The following COX7B2 variants were observed in gnomAD, a reference collection of about 807,000 sequenced individuals.
COX7B2 encodes the protein cytochrome c oxidase subunit 7B2, mitochondrial.
For synonymous variants in COX7B2, 37 were observed against 32.1 expected, an observed-to-expected ratio of 1.15 and a Z score of -0.51; for missense variants, 109 against 95.9, an observed-to-expected ratio of 1.14 and a Z score of -0.57.
chr4:46,747,519 GT>G (rs963082115), intron 2 of COX7B2, among the ~76,000 whole-genome samples: 14 of 151,862 alleles, frequency 9.2e-5, no homozygotes, highest in African/African-American at 2.9e-4. Context: ...GGTCAGGCTG[GT>G]CTTGAACTCT....
chr4:46,817,440 T>C (rs902706311), intron 2 of COX7B2, among the ~76,000 whole-genome samples: 3 of 152,206 alleles, frequency 2.0e-5, no homozygotes, highest in African/African-American at 4.8e-5. Context: ...CCCAGGTCTA[T>C]AGGCTCTCCA....
chr4:46,862,447 G>T (rs555834141), intron 1 of COX7B2, among the ~76,000 whole-genome samples: 1 of 152,318 alleles, frequency 6.6e-6, no homozygotes, highest in Admixed American at 6.5e-5. Context: ...ATATGTTTAT[G>T]TATGTACATG....
At chr4:46,806,425 A>G (rs1718998906) in intron 2 of COX7B2, among the ~76,000 whole-genome samples, 2 of 151,948 alleles carry the variant, frequency 1.3e-5, no homozygotes, top group African/African-American at 4.8e-5. Flanking sequence ...TTTTAAATAG[A>G]TTTTGCTTTG....
At chr4:46,753,627 C>T (rs1318071838) in intron 2 of COX7B2, among the ~76,000 whole-genome samples, 1 of 152,018 alleles carries the variant, frequency 6.6e-6, no homozygotes, top group Non-Finnish European at 1.5e-5. Context: ...AAAACCTAGG[C>T]AATACCATTC....
intron 1 of COX7B2, chr4:46,904,074 C>T (rs989579003): frequency 1.3e-5 from 2 of 152,024 alleles, no homozygotes; most frequent in Admixed American, 6.6e-5. Context: ...TAAACTAAAA[C>T]TGAATCAAAG....
At chr4:46,902,651 TAA>T (rs1258234864) in intron 1 of COX7B2, among the ~76,000 whole-genome samples, 1 of 152,176 alleles carries the variant, frequency 6.6e-6, no homozygotes, top group Non-Finnish European at 1.5e-5. Context: ...CTACATTAAT[TAA>T]ATTAAATCAA....
At chr4:46,788,406 C>A (rs1254218387) in intron 2 of COX7B2, among the ~76,000 whole-genome samples, 1 of 152,010 alleles carries the variant, frequency 6.6e-6, no homozygotes, top group Non-Finnish European at 1.5e-5. Flanking sequence ...TCTTGAAAAG[C>A]CTTATCTTGT....
At chr4:46,843,641 G>C (rs370860140) in intron 2 of COX7B2, among the ~76,000 whole-genome samples, 20 of 151,918 alleles carry the variant, frequency 1.3e-4, no homozygotes, top group Admixed American at 1.3e-3. Context: ...AAAAATAAAA[G>C]CAAAAGCAGT....
chr4:46,843,201 C>T (rs1292901221), intron 2 of COX7B2, among the ~76,000 whole-genome samples: 1 of 151,982 alleles, frequency 6.6e-6, no homozygotes, highest in African/African-American at 2.4e-5. Context: ...AGAATCTTGG[C>T]TTGTCCATTT....
At chr4:46,747,651 A>G (rs1190360101) in intron 2 of COX7B2, among the ~76,000 whole-genome samples, 1 of 152,122 alleles carries the variant, frequency 6.6e-6, no homozygotes, top group Non-Finnish European at 1.5e-5. Context: ...AGGATAAAAT[A>G]TAGTTTTCAA....
chr4:46,851,010 G>A (rs1010747589), intron 1 of COX7B2, among the ~76,000 whole-genome samples: 2 of 152,070 alleles, frequency 1.3e-5, no homozygotes, highest in African/African-American at 4.8e-5. Flanking sequence ...ACATGAAGCA[G>A]TGACAGACTG....
At chr4:46,856,176 G>A (rs1200291926) in intron 1 of COX7B2, among the ~76,000 whole-genome samples, 2 of 152,038 alleles carry the variant, frequency 1.3e-5, no homozygotes, top group Non-Finnish European at 2.9e-5. Flanking sequence ...CCTGGGAAGT[G>A]GAGGTTGCAG....
At chr4:46,752,827 T>A (rs1715481861) in intron 2 of COX7B2, among the ~76,000 whole-genome samples, 1 of 152,178 alleles carries the variant, frequency 6.6e-6, no homozygotes, top group Non-Finnish European at 1.5e-5. Context: ...TTGTCAGTAT[T>A]TTATTGAGGA....
intron 2 of COX7B2, among the ~76,000 whole-genome samples, chr4:46,763,573 C>T (rs1716350217): frequency 6.6e-6 from 1 of 151,932 alleles, no homozygotes; most frequent in African/African-American, 2.4e-5. Flanking sequence ...CAAATTTAGC[C>T]CTTTTTTCAT....
At chr4:46,861,183 T>C (rs1717313835) in intron 1 of COX7B2, among the ~76,000 whole-genome samples, 1 of 152,202 alleles carries the variant, frequency 6.6e-6, no homozygotes, top group Non-Finnish European at 1.5e-5. Flanking sequence ...ACCTTTCCTT[T>C]TATACTTGGC....
chr4:46,899,663 T>C lies in COX7B2; in HGVS notation c.-105+9497A>G, dbSNP rs534483907. Among the ~76,000 whole-genome samples the C allele has an allele frequency of 2.6e-5, 4 of 152,330 alleles. No individual in the cohort carries two copies. The South Asian group carries it at 6.2e-4, about 24-fold the overall frequency. On this transcript the variant is annotated intron_variant, in intron 1 of 2. Transcript: ENST00000355591. The stretch of plus-strand genomic sequence containing the variant: ...TCTCTGTAGGTCTCCAGGCTCATGA[T>C]AGACTTTATCCAACTTAAATTTCAT...
chr4:46,794,818 A>C (rs755919053), intron 2 of COX7B2, among the ~76,000 whole-genome samples: 37 of 152,174 alleles, frequency 2.4e-4, no homozygotes, highest in Non-Finnish European at 5.0e-4. Context: ...AAAAACATAG[A>C]ATAGAAAATA....
intron 2 of COX7B2, among the ~76,000 whole-genome samples, chr4:46,744,224 A>C (rs182538175): frequency 3.3e-5 from 5 of 151,956 alleles, no homozygotes; most frequent in African/African-American, 1.2e-4. Context: ...CTCAAAAAGC[A>C]TCAAAGTACC....
At chr4:46,766,318 A>C (rs1444102975) in intron 2 of COX7B2, among the ~76,000 whole-genome samples, 1 of 152,212 alleles carries the variant, frequency 6.6e-6, no homozygotes. Context: ...TACTAAAAAT[A>C]TCTATACCTA....
Sources: allele counts gnomAD v4.1 joint callset (sites outside exome capture counted in the v4.1 genomes callset), GRCh38; gene constraint gnomAD v4.1.1; transcripts MANE v1.5; gene names NCBI Gene and HGNC (gene_info 2026-07-23, HGNC 2026-07-21).